The following TBX18 variants were observed in gnomAD, a reference collection of about 807,000 sequenced individuals.
TBX18 encodes T-box transcription factor TBX18.
In TBX18, 21 loss-of-function variants were observed where a neutral mutation model predicts 55.0. That is an observed-to-expected ratio of 0.38 (90% confidence interval 0.27 to 0.55). TBX18 has a LOEUF of 0.55. Ranked by LOEUF, TBX18 falls within the 20% of genes least tolerant of loss-of-function variation. The pLI, the probability that TBX18 is intolerant of heterozygous loss-of-function variation, is 0.73. For synonymous variants in TBX18, 342 were observed against 326.1 expected (o/e 1.05, Z -0.53); for missense variants, 840 against 799.6 (o/e 1.05, Z -0.61).
At chr6:84,752,094 G>A (rs930378992) in intron 4 of TBX18, among the ~76,000 whole-genome samples, 4 of 151,934 alleles carry the variant, frequency 2.6e-5, no homozygotes, top group Admixed American at 1.3e-4. Flanking sequence ...GGTTTAGCTA[G>A]TATTACAGTC....
Position 84,764,229 on chromosome 6 carries a change from G to A in TBX18, c.-48C>T, listed in dbSNP as rs774286453. ...GCCCCTCTCTCATATACACTCACGC[G>A]GGCACACGCGCGCTCTCGCTCTTCC... On this transcript the variant is annotated 5_prime_UTR_variant, in exon 1 of 8. Transcript: ENST00000369663. 5.7e-5 allele frequency: 77 copies of A among 1,343,662 alleles called. No individual in the cohort carries two copies. Among genetic ancestry groups the A allele is most frequent in the Non-Finnish European group, 6.6e-5 (69 of 1,052,636 alleles). The allele number at this position is 1,343,662 out of a possible 1,614,324, so 83.2% of individuals were successfully genotyped here.
intron 3 of TBX18, among the ~76,000 whole-genome samples, chr6:84,759,316 G>A (rs578098359): frequency 3.4e-4 from 52 of 152,098 alleles, no homozygotes; most frequent in African/African-American, 1.0e-3. Flanking sequence ...TCAAAAAAGC[G>A]ACTCCTTAAA....
intron 4 of TBX18, among the ~76,000 whole-genome samples, chr6:84,753,053 A>T (rs576570745): frequency 1.3e-5 from 2 of 152,364 alleles, no homozygotes; most frequent in South Asian, 4.1e-4. Context: ...GCATATGGGT[A>T]GCTCAAGGAC....
chr6:84,762,392 A>G, intron 2 of TBX18, 152 bp downstream of exon 2: 1 of 925,312 alleles, frequency 1.1e-6, no homozygotes, highest in South Asian at 1.4e-5. Flanking sequence ...TAGCCTCCAA[A>G]GTGAACCACG....
chr6:84,759,960 A>C (rs1199030804), intron 3 of TBX18, among the ~76,000 whole-genome samples: 1 of 152,220 alleles, frequency 6.6e-6, no homozygotes, highest in Non-Finnish European at 1.5e-5. Context: ...TTGAAGTGTA[A>C]GTCAATATAA....
intron 1 of TBX18, 21 bp downstream of exon 1, chr6:84,763,869 G>C (rs1767732860): frequency 7.4e-6 from 11 of 1,478,094 alleles, no homozygotes; most frequent in Non-Finnish European, 9.8e-6. Context: ...AGAAGTTATA[G>C]GCAGGAAGGG....
rs770982466 is a variant in TBX18 at position 84,744,337 on chromosome 6, G to GA, written c.940-13dup. The GA allele has an allele frequency of 2.3e-4, 361 of 1,580,720 alleles. No homozygotes were observed. The highest frequency in any genetic ancestry group is 2.5e-4 in the South Asian group (22 of 86,736). On this transcript the variant is annotated splice_polypyrimidine_tract_variant and intron_variant, in intron 5 of 7. Transcript: ENST00000369663. ...TTCAGGCGAGTAATCTGCAGAGTAGGAAAAAAAAATATCAAATCTTATATA... is the reference window on the plus strand; with the variant it reads ...TTCAGGCGAGTAATCTGCAGAGTAGGAAAAAAAAAATATCAAATCTTATATA...
intron 6 of TBX18, among the ~76,000 whole-genome samples, chr6:84,740,135 T>G (rs1379158537): frequency 1.3e-5 from 2 of 152,144 alleles, no homozygotes; most frequent in Non-Finnish European, 2.9e-5. Flanking sequence ...CCAGAGGGGA[T>G]AGTGCAGGAT....
intron 4 of TBX18, among the ~76,000 whole-genome samples, chr6:84,755,572 G>C (rs1325048815): frequency 6.6e-6 from 1 of 152,176 alleles, no homozygotes; most frequent in Non-Finnish European, 1.5e-5. Context: ...GAAAGCCAAG[G>C]AGTAATGCAC....
rs776101729 is a variant in TBX18, at chr6:84,736,937, G to A, written c.1572C>T (p.His524=). ...HQGSYNTFRL[H]SPCALYGYNF... ...TATATCCATATAGTGCACAGGGGCTGTGTAATCTAAAAGTATTATAGGAAC... is the reference window on the plus strand; with the variant it reads ...TATATCCATATAGTGCACAGGGGCTATGTAATCTAAAAGTATTATAGGAAC... The change falls in exon 8 of 8, where the codon CAC becomes CAT. Residue 524 remains histidine, a synonymous_variant. Transcript: ENST00000369663. 1 of 1,610,100 alleles carries A rather than the reference G, an allele frequency of 6.2e-7. No homozygotes were observed. Among genetic ancestry groups the A allele is most frequent in the Non-Finnish European group, 8.5e-7 (1 of 1,177,496 alleles).
At chr6:84,749,453 T>A (rs529316355) in intron 4 of TBX18, among the ~76,000 whole-genome samples, 52 of 152,026 alleles carry the variant, frequency 3.4e-4, no homozygotes, top group Non-Finnish European at 1.5e-4. Context: ...GATTCTTTAC[T>A]TTCTGGCAGT....
Position 84,736,897 on chromosome 6 carries a change from G to T in TBX18, c.1612C>A (p.Pro538Thr). 1 of 1,613,250 alleles carries T rather than the reference G, an allele frequency of 6.2e-7. No individual in the cohort carries two copies. Among genetic ancestry groups the T allele is most frequent in the South Asian group, 1.1e-5 (1 of 90,808 alleles). The change falls in exon 8 of 8, where the codon CCC (proline) becomes ACC (threonine). Residue 538 changes from proline to threonine, a missense_variant. By Grantham distance (38) the Pro-to-Thr change is conservative (BLOSUM62 -1). Transcript: ENST00000369663. ...TTCTCAGGACTGGCAGCCAGTTTGG[G>T]GGATGTGGAGAAGTTATATCCATAT... The part of the protein sequence containing the change: ...ALYGYNFSTS[P>T]KLAASPEKIV...
chr6:84,760,217 G>GT (rs560234572), intron 3 of TBX18, 38 bp downstream of exon 3: 71,176 of 982,124 alleles, frequency 0.072, 11 homozygotes, highest in South Asian at 0.097. Context: ...AAATCCTAGT[G>GT]TTTTTTTTTT....
chr6:84,742,356 CT>C (rs1767068467), intron 6 of TBX18: 1 of 152,116 alleles, frequency 6.6e-6, no homozygotes, highest in South Asian at 2.1e-4. Context: ...CATATCAAAG[CT>C]AGCATTTTGA....
rs1232810219 is a variant in TBX18, at chr6:84,744,251, T to C, written c.1004+10A>G. On this transcript the variant is annotated intron_variant, in intron 6 of 7. Transcript: ENST00000369663. Reference sequence around the variant, plus strand: ...TTATCATAACCGGAATGGTCTTCACTAAGGCCCACCTGTTGCGCCCGGAGT... The same window carrying C: ...TTATCATAACCGGAATGGTCTTCACCAAGGCCCACCTGTTGCGCCCGGAGT... 3 of 1,610,156 alleles carry C rather than the reference T, an allele frequency of 1.9e-6. No individual in the cohort carries two copies. Among genetic ancestry groups the C allele is most frequent in the South Asian group, 1.1e-5 (1 of 90,362 alleles).
At chr6:84,751,967 CAAG>C (rs956794652) in intron 4 of TBX18, among the ~76,000 whole-genome samples, 3 of 152,138 alleles carry the variant, frequency 2.0e-5, no homozygotes, top group Non-Finnish European at 4.4e-5. Flanking sequence ...GTCGTATAAA[CAAG>C]AAGACCACAA....
rs748500583 is a variant in TBX18 at position 84,737,142 on chromosome 6, G to T, written c.1367C>A (p.Ser456Tyr). 2 of 1,614,080 alleles carry T rather than the reference G, an allele frequency of 1.2e-6. No homozygotes were observed. Among genetic ancestry groups the T allele is most frequent in the East Asian group, 4.5e-5 (2 of 44,892 alleles). ...GETFAPPRTP[S>Y]YVGVSSSTSV... is the part of the protein sequence containing the mutation. ...GGTGCTGCTGCTCACGCCCACATAG[G>T]AGGGAGTCCTGGGCGGGGCAAAGGT... is the stretch of plus-strand genomic sequence containing the variant. The change falls in exon 8 of 8, where the codon TCC (serine) becomes TAC (tyrosine). Residue 456 changes from serine to tyrosine, a missense_variant. By Grantham distance (144) the Ser-to-Tyr change is moderately radical. Coordinates refer to ENST00000369663, the MANE Select transcript of TBX18 (RefSeq NM_001080508.3).
At chr6:84,746,842 A>G (rs1490094939) in intron 5 of TBX18, among the ~76,000 whole-genome samples, 3 of 150,644 alleles carry the variant, frequency 2.0e-5, no homozygotes, top group African/African-American at 7.3e-5. Flanking sequence ...TATTATTAGC[A>G]TGGTCCTATA....
chr6:84,744,859 C>T (rs1348954635), intron 5 of TBX18, among the ~76,000 whole-genome samples: 4 of 152,064 alleles, frequency 2.6e-5, no homozygotes, highest in Non-Finnish European at 5.9e-5. Flanking sequence ...TTCTTTGTCT[C>T]TCCTTTAATA....
Sources: allele counts gnomAD v4.1 joint callset (sites outside exome capture counted in the v4.1 genomes callset), GRCh38; gene constraint gnomAD v4.1.1; transcripts MANE v1.5; gene names NCBI Gene and HGNC (gene_info 2026-07-23, HGNC 2026-07-21).